PRKCI: variants seen among roughly 807,000 people sequenced by gnomAD.
PRKCI encodes the protein protein kinase C iota.
A neutral mutation model predicts 84.0 loss-of-function variants in PRKCI; 43 were observed. That is an observed-to-expected ratio of 0.51 (90% CI 0.40 to 0.66). The LOEUF is 0.66. PRKCI is among the 30% of genes least tolerant of loss of function. The pLI is 0.00. For missense variants in PRKCI, 459 were observed against 745.6 expected, an observed-to-expected ratio of 0.62 and a Z score of 4.48; for synonymous variants, 216 against 234.4, an observed-to-expected ratio of 0.92 and a Z score of 0.72.
chr3:170,230,530 A>G (rs1361330939), intron 1 of PRKCI, among the ~76,000 whole-genome samples: 2 of 152,188 alleles, frequency 1.3e-5, no homozygotes, highest in South Asian at 2.1e-4. Flanking sequence ...GGGTTTTGCC[A>G]TGTTGGCCAG....
chr3:170,242,538 T>C (rs1733161455), intron 2 of PRKCI, among the ~76,000 whole-genome samples: 1 of 151,540 alleles, frequency 6.6e-6, no homozygotes, highest in Non-Finnish European at 1.5e-5. Context: ...TTTTGTAACT[T>C]ATATAGTTTT....
intron 2 of PRKCI, among the ~76,000 whole-genome samples, chr3:170,239,378 A>G (rs538936973): frequency 2.6e-5 from 4 of 152,318 alleles, no homozygotes; most frequent in African/African-American, 9.6e-5. Flanking sequence ...TGTGCAACTT[A>G]TGCTTAGCAT....
At chr3:170,252,213 C>CA (rs558708183) in intron 2 of PRKCI, among the ~76,000 whole-genome samples, 38,075 of 118,482 alleles carry the variant, frequency 0.32, 5,693 homozygotes, top group African/African-American at 0.48. Context: ...GACTCCGTCT[C>CA]AAAAAAAAAA....
chr3:170,304,164 T>C lies in PRKCI; in HGVS notation c.*1037T>C, dbSNP rs2108870480. On this transcript the variant is annotated 3_prime_UTR_variant, in exon 18 of 18. Coordinates refer to ENST00000295797, the MANE Select transcript of PRKCI (RefSeq NM_002740.6). Reference sequence around the variant, plus strand: ...TTGGAAACTTTAACTGCAGTGTTAATATATACACTGCAAAAGACCAAGGAT... The same window carrying C: ...TTGGAAACTTTAACTGCAGTGTTAACATATACACTGCAAAAGACCAAGGAT... 6.6e-6 allele frequency: 1 copy of C among 152,304 alleles called. No homozygotes were observed. 9.4% of individuals were successfully genotyped at this position (152,304 alleles called of 1,614,324 possible). A position where few individuals can be genotyped will look rare whatever the true frequency, so the allele number is the denominator to read the frequency against.
chr3:170,258,512 G>A, intron 2 of PRKCI, among the ~76,000 whole-genome samples: 1 of 151,868 alleles, frequency 6.6e-6, no homozygotes, highest in Admixed American at 6.6e-5. Flanking sequence ...CATCATGTTG[G>A]CCAGGCTGGT....
At chr3:170,269,455 G>GT (rs1371792744) in intron 5 of PRKCI, among the ~76,000 whole-genome samples, 1 of 152,158 alleles carries the variant, frequency 6.6e-6, no homozygotes, top group Non-Finnish European at 1.5e-5. Flanking sequence ...AAGCCCAGGA[G>GT]TTTGAGACCA....
chr3:170,305,007 C>T lies in PRKCI; in HGVS notation c.*1880C>T, dbSNP rs577609746. 2.6e-4 allele frequency: 39 copies of T among 152,196 alleles called. No homozygotes were observed. Among genetic ancestry groups the T allele is most frequent in the African/African-American group, 8.9e-4 (37 of 41,540 alleles). The allele number at this position is 152,196 out of a possible 1,614,324, so 9.4% of individuals were successfully genotyped here. A position where few individuals can be genotyped will look rare whatever the true frequency, so the allele number is the denominator to read the frequency against. ...AACATAAGTCTGAAAGCAATGAAAA[C>T]GTCAAAGGAAAATGTTTATATACAT... On this transcript the variant is annotated 3_prime_UTR_variant, in exon 18 of 18. Transcript: ENST00000295797.
At chr3:170,272,489 G>C (rs916310160) in intron 6 of PRKCI, among the ~76,000 whole-genome samples, 1 of 152,152 alleles carries the variant, frequency 6.6e-6, no homozygotes, top group Non-Finnish European at 1.5e-5. Flanking sequence ...AGGAAAAACA[G>C]AAGGCTGACT....
intron 10 of PRKCI, chr3:170,281,568 CA>C (rs1734252419): frequency 7.5e-6 from 3 of 401,386 alleles, no homozygotes; most frequent in African/African-American, 4.1e-5. Flanking sequence ...TAGCATTTAA[CA>C]AGGAGGAAAA....
intron 2 of PRKCI, among the ~76,000 whole-genome samples, chr3:170,239,246 A>G (rs540657763): frequency 2.0e-5 from 3 of 152,196 alleles, no homozygotes; most frequent in Non-Finnish European, 4.4e-5. Context: ...AAAGTTGAGT[A>G]TCTTTATCTT....
At chr3:170,255,193 T>A (rs1733555095) in intron 2 of PRKCI, among the ~76,000 whole-genome samples, 1 of 151,642 alleles carries the variant, frequency 6.6e-6, no homozygotes, top group Non-Finnish European at 1.5e-5. Context: ...CCCGAGTAGC[T>A]GGGATTACAG....
At chr3:170,294,237 G>T (rs1320826255) in intron 14 of PRKCI, among the ~76,000 whole-genome samples, 1 of 151,942 alleles carries the variant, frequency 6.6e-6, no homozygotes, top group Non-Finnish European at 1.5e-5. Context: ...CAAAAGATGG[G>T]GAAAAAAGGC....
chr3:170,263,355 T>G, intron 3 of PRKCI, 24 bp from the exon 4 acceptor site: 1 of 1,577,020 alleles, frequency 6.3e-7, no homozygotes, highest in Non-Finnish European at 8.7e-7. Context: ...TGCTGTTAAC[T>G]CATGTTCGTT....
rs181769528 is a variant in PRKCI, at chr3:170,249,564, C to T, written c.224-10405C>T. 6.5e-4 allele frequency among the ~76,000 whole-genome samples: 99 copies of T among 151,830 alleles called. 1 individual carries two copies. Among genetic ancestry groups the T allele is most frequent in the Admixed American group, 7.2e-4 (11 of 15,252 alleles). ...AGCACTTTTGGAGACCAAGGTGAGA[C>T]GATTGCTTGAGCCTAGGAGTTTAAG... On this transcript the variant is annotated intron_variant, in intron 2 of 17. Transcript: ENST00000295797.
At chr3:170,280,153 A>C in intron 8 of PRKCI, 74 bp from the exon 9 acceptor site, 1 of 1,268,400 alleles carries the variant, frequency 7.9e-7, no homozygotes, top group Non-Finnish European at 1.1e-6. Flanking sequence ...TTATAGGTAC[A>C]ACTAGGTGTT....
chr3:170,265,221 A>G lies in PRKCI; in HGVS notation c.364+1792A>G, dbSNP rs1010428531. The stretch of plus-strand genomic sequence containing the variant: ...AAAAAAAGAAAAAAACTGCACTCCA[A>G]TCTACGTGATTCATAAACTCTTGGA... On this transcript the variant is annotated intron_variant, in intron 4 of 17. Transcript: ENST00000295797. Among the ~76,000 whole-genome samples the G allele has an allele frequency of 1.4e-4, 21 of 152,040 alleles. 1 individual carries two copies. The highest frequency in any genetic ancestry group is 4.3e-4 in the African/African-American group (18 of 41,410).
intron 4 of PRKCI, among the ~76,000 whole-genome samples, chr3:170,264,528 C>T (rs926277342): frequency 6.6e-6 from 1 of 152,156 alleles, no homozygotes; most frequent in African/African-American, 2.4e-5. Flanking sequence ...ATCCACCTGC[C>T]TCAGCCTCCC....
At chr3:170,250,273 A>G (rs1400262589) in intron 2 of PRKCI, among the ~76,000 whole-genome samples, 2 of 92,424 alleles carry the variant, frequency 2.2e-5, no homozygotes. Context: ...ACTTGGTCTG[A>G]AAAAAAAAAA....
At chr3:170,302,464 C>T (rs1397351550) in intron 17 of PRKCI, among the ~76,000 whole-genome samples, 1 of 152,136 alleles carries the variant, frequency 6.6e-6, no homozygotes, top group Non-Finnish European at 1.5e-5. Flanking sequence ...CTTAGTATGG[C>T]ATAATACATT....
Sources: allele counts gnomAD v4.1 joint callset (sites outside exome capture counted in the v4.1 genomes callset), GRCh38; gene constraint gnomAD v4.1.1; transcripts MANE v1.5; gene names NCBI Gene and HGNC (gene_info 2026-07-23, HGNC 2026-07-21).